Variants in ADGRV1 observed in about 807,000 individuals in gnomAD.
ADGRV1 encodes G-protein coupled receptor 98.
ADGRV1 carries 359 observed loss-of-function variants against 596.2 expected under a neutral mutation model. The ratio of observed to expected loss-of-function variants is 0.60; its 90% CI spans 0.55 to 0.66. The LOEUF (loss-of-function observed/expected upper bound fraction) is 0.66. Ranked by LOEUF, ADGRV1 falls within the 30% of genes least tolerant of loss-of-function variation. The probability of loss-of-function intolerance (pLI) is 0.00; values close to 1 mark genes in which losing one functional copy is unlikely to be tolerated. For missense variants in ADGRV1, 7,274 were observed against 7,575.6 expected, an observed-to-expected ratio of 0.96 and a Z score of 1.48; for synonymous variants, 2,681 against 2,679.2, an observed-to-expected ratio of 1.00 and a Z score of -0.02.
intron 43 of ADGRV1, 183 bp downstream of exon 43, chr5:90,716,912 G>A (rs753008781): frequency 9.0e-5 from 41 of 453,116 alleles, no homozygotes; most frequent in Admixed American, 1.8e-4. Flanking sequence ...TGTATAAAGC[G>A]CAACTGGAAA....
At chr5:90,760,773 AAGAG>A (rs911771984) in intron 58 of ADGRV1, among the ~76,000 whole-genome samples, 18 of 150,718 alleles carry the variant, frequency 1.2e-4, no homozygotes, top group African/African-American at 4.0e-4. Context: ...TTCAGCCACA[AAGAG>A]AGAGAGAGAA....
chr5:90,645,303 A>G (rs1038023797), intron 15 of ADGRV1, among the ~76,000 whole-genome samples: 1 of 152,184 alleles, frequency 6.6e-6, no homozygotes, highest in Admixed American at 6.5e-5. Flanking sequence ...AACCTTTCCT[A>G]GGAGAGTGAC....
In ADGRV1 at chr5:90,685,819, T is replaced by C. The variant is rs376903418; in HGVS notation, c.6314T>C (p.Ile2105Thr). The change falls in exon 29 of 90, where the codon ATT becomes ACT. Residue 2105 changes from isoleucine to threonine, a missense_variant. Physicochemically the swap from Ile to Thr is moderately conservative, Grantham distance 89 (BLOSUM62 -1). Coordinates refer to ENST00000405460, the MANE Select transcript of ADGRV1 (RefSeq NM_032119.4). Reference protein sequence around the residue: ...SPRLGPKVETIAQLIIIANDD... With the variant: ...SPRLGPKVETTAQLIIIANDD... Reference sequence around the variant, plus strand: ...CGTCTTGGGCCTAAGGTAGAAACTATTGCGCAACTAATTATCATTGCCAAT... The same window carrying C: ...CGTCTTGGGCCTAAGGTAGAAACTACTGCGCAACTAATTATCATTGCCAAT... The C allele has an allele frequency of 5.0e-6, 8 of 1,611,426 alleles. No individual in the cohort carries two copies. The highest frequency in any genetic ancestry group is 1.1e-5 in the South Asian group (1 of 90,848).
At chr5:90,962,390 A>C (rs1427224248) in intron 83 of ADGRV1, among the ~76,000 whole-genome samples, 1 of 152,228 alleles carries the variant, frequency 6.6e-6, no homozygotes, top group African/African-American at 2.4e-5. Context: ...TTTTCTGTTC[A>C]TGTTCAACTT....
chr5:90,588,548 G>A (rs1363744975), intron 1 of ADGRV1, among the ~76,000 whole-genome samples: 1 of 152,234 alleles, frequency 6.6e-6, no homozygotes, highest in Admixed American at 6.5e-5. Context: ...AGCCTGAGAA[G>A]TGATACGTCC....
chr5:90,931,434 A>G lies in ADGRV1; in HGVS notation c.17857-33981A>G, dbSNP rs149004495. ...CTAGCTCACTTATGGAGCTAGATAC[A>G]TTCAAATAGTTTCTATAAATCAAAT... On this transcript the variant is annotated intron_variant, in intron 83 of 89. Coordinates refer to ENST00000405460, the MANE Select transcript of ADGRV1 (RefSeq NM_032119.4). Among the ~76,000 whole-genome samples, 37 of 152,370 alleles carry G rather than the reference A, an allele frequency of 2.4e-4. No homozygotes were observed. In the East Asian group the frequency reaches 7.1e-3, roughly 29 times the overall value.
intron 87 of ADGRV1, among the ~76,000 whole-genome samples, chr5:91,108,208 G>T (rs191174267): frequency 6.6e-6 from 1 of 152,068 alleles, no homozygotes; most frequent in Admixed American, 6.6e-5. Context: ...CTTAAAAATC[G>T]CTTGAGGTAT....
chr5:90,632,266 T>A (rs1336821969), intron 9 of ADGRV1, among the ~76,000 whole-genome samples: 1 of 152,186 alleles, frequency 6.6e-6, no homozygotes, highest in Non-Finnish European at 1.5e-5. Flanking sequence ...ACACAGTTGC[T>A]TTTGCTTTCA....
intron 85 of ADGRV1, among the ~76,000 whole-genome samples, chr5:91,071,770 T>C (rs1359156496): frequency 6.6e-6 from 1 of 151,596 alleles, no homozygotes; most frequent in East Asian, 1.9e-4. Flanking sequence ...TGCCTCCCGG[T>C]TTCAAGCAAT....
chr5:90,668,593 T>C (rs1771944241), intron 21 of ADGRV1, among the ~76,000 whole-genome samples: 1 of 151,828 alleles, frequency 6.6e-6, no homozygotes, highest in South Asian at 2.1e-4. Flanking sequence ...TGCTGGGAGC[T>C]GTAGACCAGA....
At chr5:90,693,483 G>A (rs181351284) in intron 32 of ADGRV1, among the ~76,000 whole-genome samples, 149 of 151,320 alleles carry the variant, frequency 9.8e-4, no homozygotes, top group African/African-American at 2.8e-3. Flanking sequence ...TTTGATCTGC[G>A]GTCTTGAATC....
chr5:90,700,341 T>C (rs1450361640), intron 34 of ADGRV1, among the ~76,000 whole-genome samples: 1 of 152,198 alleles, frequency 6.6e-6, no homozygotes, highest in Non-Finnish European at 1.5e-5. Context: ...AACTTCTGGC[T>C]CTAGAATGCA....
Position 90,917,871 on chromosome 5 carries a change from C to A in ADGRV1, c.17857-47544C>A, listed in dbSNP as rs574893815. Among the ~76,000 whole-genome samples the A allele has an allele frequency of 1.4e-4, 22 of 152,240 alleles. No homozygotes were observed. The South Asian group carries it at 3.9e-3, about 27-fold the overall frequency. On this transcript the variant is annotated intron_variant, in intron 83 of 89. Transcript: ENST00000405460. ...GTACCATCATCATCTTCATCATCAT[C>A]ACCACTATCATTTTTTTTAAAGAAG... is the stretch of plus-strand genomic sequence containing the variant.
intron 83 of ADGRV1, among the ~76,000 whole-genome samples, chr5:90,937,047 A>G (rs533508744): frequency 6.6e-6 from 1 of 152,268 alleles, no homozygotes; most frequent in South Asian, 2.1e-4. Context: ...TTGTCAGTCC[A>G]TTATTCTAAT....
At chr5:90,784,426 G>A (rs1408182667) in intron 67 of ADGRV1, among the ~76,000 whole-genome samples, 1 of 152,172 alleles carries the variant, frequency 6.6e-6, no homozygotes, top group African/African-American at 2.4e-5. Context: ...ATTAAGCAGA[G>A]CTGAGCAATA....
intron 83 of ADGRV1, among the ~76,000 whole-genome samples, chr5:90,868,376 G>A (rs1013190767): frequency 1.3e-5 from 2 of 152,016 alleles, no homozygotes; most frequent in Non-Finnish European, 2.9e-5. Flanking sequence ...GGCTGCTGCT[G>A]TGTCCTTCTG....
In ADGRV1 at chr5:90,643,024, T is replaced by C; in HGVS notation, c.2536T>C (p.Leu846=). ...GATAGTGATCACCTTGCTAGCAAGA[T>C]TGGATGGGATACCAGAGGTATGGGA... ...REIVITLLAR[L]DGIPELDEHY... is the part of the protein sequence containing the mutation. Residue 846 remains leucine, a synonymous_variant, in exon 13 of 90, where the codon TTG becomes CTG. Transcript: ENST00000405460. 1 of 1,613,008 alleles carries C rather than the reference T, an allele frequency of 6.2e-7. No homozygotes were observed. The highest frequency in any genetic ancestry group is 8.5e-7 in the Non-Finnish European group (1 of 1,179,110).
rs139253178 is a variant in ADGRV1 at position 90,676,689 on chromosome 5, C to G, written c.5443+480C>G. On this transcript the variant is annotated intron_variant, in intron 25 of 89. Transcript: ENST00000405460. ...TGAAAAGTATAAGTGTACTAAGTCACCAAATTACAGTTTTCATTCATGGTA... is the reference window on the plus strand; with the variant it reads ...TGAAAAGTATAAGTGTACTAAGTCAGCAAATTACAGTTTTCATTCATGGTA... 4.0e-3 allele frequency: 617 copies of G among 153,790 alleles called. 3 individuals are homozygous for G. The highest frequency in any genetic ancestry group is 0.014 in the African/African-American group (590 of 41,558). The allele number at this position is 153,790 out of a possible 1,614,324, so 9.5% of individuals were successfully genotyped here.
intron 82 of ADGRV1, among the ~76,000 whole-genome samples, chr5:90,857,446 A>T (rs1282852843): frequency 6.6e-6 from 1 of 152,190 alleles, no homozygotes. Context: ...ATTTTATAGA[A>T]AACTAGTAGG....
Sources: gnomAD v4.1 joint callset for allele counts (sites outside exome capture counted in the v4.1 genomes callset) on GRCh38, gnomAD v4.1.1 for gene constraint, MANE v1.5 for transcripts, NCBI Gene and HGNC (gene_info 2026-07-23, HGNC 2026-07-21) for gene names.